Variants in FDFT1 observed in about 807,000 individuals in gnomAD.
FDFT1 encodes the protein squalene synthase.
Under a neutral mutation model 46.8 loss-of-function variants are expected in FDFT1, and 68 were observed. The observed-to-expected ratio is 1.45, with a 90% CI of 1.19 to 1.78. The LOEUF is 1.78. Among genes scored for constraint, FDFT1 ranks in the 40% most tolerant of loss-of-function variants. FDFT1 has a pLI of 0.00. For synonymous variants in FDFT1, 351 were observed against 185.1 expected, an observed-to-expected ratio of 1.90 and a Z score of -7.28; for missense variants, 928 against 524.4, an observed-to-expected ratio of 1.77 and a Z score of -7.52.
At chr8:11,809,913 C>T (rs1429402188) in intron 3 of FDFT1, 63 bp downstream of exon 3, 6 of 1,280,042 alleles carry the variant, frequency 4.7e-6, no homozygotes, top group East Asian at 4.7e-5. Flanking sequence ...CGTGGTTGTC[C>T]GGTAGCCTCC....
At chr8:11,838,364 C>T (rs771646816) in intron 7 of FDFT1, 24 bp from the exon 8 acceptor site, 8 of 1,583,650 alleles carry the variant, frequency 5.1e-6, no homozygotes, top group East Asian at 2.2e-5. Context: ...TAGCACTTAT[C>T]ATTTTTTCCT....
chr8:11,813,362 A>G (rs1452172135), intron 3 of FDFT1, among the ~76,000 whole-genome samples: 10 of 152,226 alleles, frequency 6.6e-5, no homozygotes, highest in Admixed American at 6.5e-4. Context: ...GCATTTTACT[A>G]TGAGTTACTT....
chr8:11,809,084 G>C, intron 2 of FDFT1, 193 bp downstream of exon 2: 1 of 1,276,942 alleles, frequency 7.8e-7, no homozygotes, highest in Non-Finnish European at 1.0e-6. Context: ...TAGAGTCCCT[G>C]CGGGCCCAGC....
At chr8:11,826,858 A>G (rs780952820) in intron 5 of FDFT1, among the ~76,000 whole-genome samples, 1 of 152,194 alleles carries the variant, frequency 6.6e-6, no homozygotes, top group Non-Finnish European at 1.5e-5. Flanking sequence ...GCCCTGAATC[A>G]GTTACTGTTG....
At chr8:11,838,035 A>C (rs903606930) in intron 7 of FDFT1, among the ~76,000 whole-genome samples, 2 of 152,112 alleles carry the variant, frequency 1.3e-5, no homozygotes, top group African/African-American at 4.8e-5. Context: ...TCGTCATGTT[A>C]GTCTGTGCCT....
intron 3 of FDFT1, among the ~76,000 whole-genome samples, chr8:11,812,015 A>T (rs566258855): frequency 4.6e-5 from 7 of 152,340 alleles, no homozygotes; most frequent in East Asian, 3.9e-4. Flanking sequence ...GCTTTTGGCT[A>T]AGAGGTCCCA....
upstream of FDFT1, among the ~76,000 whole-genome samples, chr8:11,797,317 C>T (rs1805659069): frequency 1.3e-5 from 2 of 152,116 alleles, no homozygotes; most frequent in South Asian, 4.1e-4. Context: ...GGCTGTTATC[C>T]ATTCGTATGT....
In FDFT1 at chr8:11,838,785, G is replaced by GA. The variant is rs1811931261; in HGVS notation, c.*179dup. 1 of 618,278 alleles carries GA rather than the reference G, an allele frequency of 1.6e-6. No homozygotes were observed. Among genetic ancestry groups the GA allele is most frequent in the Middle Eastern group, 4.4e-4 (1 of 2,280 alleles). 38.3% of individuals were successfully genotyped at this position (618,278 alleles called of 1,614,324 possible). A position where few individuals can be genotyped will look rare whatever the true frequency, so the allele number is the denominator to read the frequency against. ...GGTGAGAAGAACCTAAACATGAAAGGAAAGGGTGCCTCATCCCAGCAACCT... is the reference window on the plus strand; with the variant it reads ...GGTGAGAAGAACCTAAACATGAAAGGAAAAGGGTGCCTCATCCCAGCAACCT... On this transcript the variant is annotated 3_prime_UTR_variant, in exon 8 of 8. Transcript: ENST00000220584.
chr8:11,808,335 G>A (rs1391553604), intron 1 of FDFT1: 24 of 1,233,978 alleles, frequency 1.9e-5, no homozygotes, highest in Non-Finnish European at 2.2e-5. Context: ...GGGCAACAGC[G>A]GGAGGAGGCG....
intron 3 of FDFT1, among the ~76,000 whole-genome samples, chr8:11,813,271 AGTCTACCT>A (rs1266311866): frequency 2.0e-5 from 3 of 152,238 alleles, no homozygotes; most frequent in Non-Finnish European, 2.9e-5. Flanking sequence ...AAGGCTTAGA[AGTCTACCT>A]GTAAACATAG....
intron 3 of FDFT1, among the ~76,000 whole-genome samples, chr8:11,812,226 A>G (rs1354036460): frequency 1.3e-5 from 2 of 152,134 alleles, no homozygotes; most frequent in Non-Finnish European, 2.9e-5. Context: ...CACGTTCTGG[A>G]CATCTGGAGT....
At chr8:11,828,320 A>G (rs1358684884) in intron 5 of FDFT1, among the ~76,000 whole-genome samples, 2 of 152,166 alleles carry the variant, frequency 1.3e-5, no homozygotes, top group Non-Finnish European at 2.9e-5. Flanking sequence ...CAAAAAAACA[A>G]AAAACACTTC....
intron 3 of FDFT1, among the ~76,000 whole-genome samples, chr8:11,812,699 C>T (rs981340699): frequency 3.9e-5 from 6 of 152,144 alleles, no homozygotes; most frequent in African/African-American, 9.7e-5. Context: ...CTCCATTTGT[C>T]CTCTTATCCC....
chr8:11,809,298 G>T, intron 2 of FDFT1: 3 of 1,093,912 alleles, frequency 2.7e-6, no homozygotes, highest in African/African-American at 3.3e-5. Context: ...CTTTATGTAT[G>T]ATCGTATTTA....
chr8:11,826,588 C>T (rs565776701), intron 5 of FDFT1, among the ~76,000 whole-genome samples: 1 of 152,150 alleles, frequency 6.6e-6, no homozygotes, highest in Non-Finnish European at 1.5e-5. Flanking sequence ...CCAAGGTGGG[C>T]GGATCACCTG....
At chr8:11,801,359 C>G (rs1465013100), upstream of FDFT1, among the ~76,000 whole-genome samples, 1 of 152,136 alleles carries the variant, frequency 6.6e-6, no homozygotes, top group African/African-American at 2.4e-5. Flanking sequence ...CGCTCTTGTC[C>G]CCCAGGCTGG....
intron 4 of FDFT1, among the ~76,000 whole-genome samples, chr8:11,824,344 A>G (rs1809668945): frequency 6.6e-6 from 1 of 152,220 alleles, no homozygotes; most frequent in Admixed American, 6.5e-5. Flanking sequence ...GGCAATTAAG[A>G]GTTGCATTTA....
intron 3 of FDFT1, among the ~76,000 whole-genome samples, chr8:11,813,970 T>C (rs1171835767): frequency 1.3e-5 from 2 of 152,210 alleles, no homozygotes; most frequent in Non-Finnish European, 2.9e-5. Context: ...TATATTTTTG[T>C]TTTTACTTTT....
upstream of FDFT1, among the ~76,000 whole-genome samples, chr8:11,797,622 GTC>G (rs1289561206): frequency 9.2e-6 from 1 of 109,054 alleles, no homozygotes; most frequent in African/African-American, 3.6e-5. Context: ...GACCCTGTCT[GTC>G]TCTCACACAC....
Sources: gnomAD v4.1 joint callset for allele counts (sites outside exome capture counted in the v4.1 genomes callset) on GRCh38, gnomAD v4.1.1 for gene constraint, MANE v1.5 for transcripts, NCBI Gene and HGNC (gene_info 2026-07-23, HGNC 2026-07-21) for gene names.